Variants in CD9 observed in about 807,000 individuals in gnomAD.
CD9 encodes the protein CD9 molecule, also known as CD9 antigen.
A neutral mutation model predicts 31.4 loss-of-function variants in CD9; 10 were observed. That is an observed-to-expected ratio of 0.32 (90% CI 0.20 to 0.54). CD9 has a LOEUF of 0.54. CD9 is among the 20% of genes least tolerant of loss of function. The pLI, the probability that CD9 is intolerant of heterozygous loss-of-function variation, is 0.94. For missense variants in CD9, 259 were observed against 300.1 expected, an observed-to-expected ratio of 0.86 and a Z score of 1.01; for synonymous variants, 113 against 114.1, an observed-to-expected ratio of 0.99 and a Z score of 0.06.
intron 1 of CD9, chr12:6,225,155 T>G (rs1351212349): frequency 2.4e-6 from 1 of 419,054 alleles, no homozygotes. Flanking sequence ...GTTACTCGTT[T>G]TCACTGCTGT....
intron 2 of CD9, chr12:6,225,831 T>C (rs1212615830): frequency 2.7e-6 from 1 of 366,920 alleles, no homozygotes; most frequent in Non-Finnish European, 5.0e-6. Context: ...TTTACGAACC[T>C]CTGTTCTCAT....
Position 6,237,932 on chromosome 12 carries a change from C to T in CD9, c.*104C>T, listed in dbSNP as rs538690169. ...TGTTGTTTGTTGTTTGTTTTTTTGC[C>T]ACTAATTTTAGTATTCATTCTGCAT... is the stretch of plus-strand genomic sequence containing the variant. On this transcript the variant is annotated 3_prime_UTR_variant, in exon 8 of 8. Coordinates refer to ENST00000009180, the MANE Select transcript of CD9 (RefSeq NM_001769.4). 3.6e-5 allele frequency: 31 copies of T among 868,010 alleles called. No individual in the cohort carries two copies. Among genetic ancestry groups the T allele is most frequent in the Admixed American group, 8.6e-5 (4 of 46,394 alleles). 53.8% of individuals were successfully genotyped at this position (868,010 alleles called of 1,614,324 possible).
intron 1 of CD9, among the ~76,000 whole-genome samples, chr12:6,222,645 T>TA (rs1946306530): frequency 6.6e-6 from 1 of 152,244 alleles, no homozygotes; most frequent in South Asian, 2.1e-4. Flanking sequence ...GCATCCTTCT[T>TA]ACCACCTGTG....
At chr12:6,233,743 G>A (rs920369225) in intron 4 of CD9, among the ~76,000 whole-genome samples, 4 of 152,072 alleles carry the variant, frequency 2.6e-5, no homozygotes, top group Non-Finnish European at 1.5e-5. Context: ...CATTGGGCCT[G>A]TGCGTGTGTC....
intron 1 of CD9, among the ~76,000 whole-genome samples, chr12:6,208,227 A>T (rs1946154060): frequency 6.6e-6 from 1 of 150,498 alleles, no homozygotes; most frequent in African/African-American, 2.4e-5. Flanking sequence ...TCCATCTCAA[A>T]AAAAAAAAAA....
chr12:6,218,426 C>T (rs1172852545), intron 1 of CD9, among the ~76,000 whole-genome samples: 2 of 152,298 alleles, frequency 1.3e-5, no homozygotes, highest in South Asian at 2.1e-4. Flanking sequence ...ACTGAAACCA[C>T]GTTCAACCCA....
rs1946186233 is a variant in CD9, at chr12:6,210,833, A to G, written c.66+10268A>G. Among the ~76,000 whole-genome samples, 3 of 142,070 alleles carry G rather than the reference A, an allele frequency of 2.1e-5. No individual in the cohort carries two copies. The South Asian group carries it at 6.9e-4, about 33-fold the overall frequency. The allele number at this position is 142,070 out of a possible 152,430, so 93.2% of individuals were successfully genotyped here. A position where few individuals can be genotyped will look rare whatever the true frequency, so the allele number is the denominator to read the frequency against. ...ACTTGCCCTGTGATCTCAGTTGAGC[A>G]ACTTTTTTTTTTTTTTTTTTTTGAG... On this transcript the variant is annotated intron_variant, in intron 1 of 7. Coordinates refer to ENST00000009180, the MANE Select transcript of CD9 (RefSeq NM_001769.4).
intron 1 of CD9, among the ~76,000 whole-genome samples, chr12:6,207,843 G>A (rs961527815): frequency 2.0e-5 from 3 of 152,202 alleles, no homozygotes; most frequent in East Asian, 1.9e-4. Flanking sequence ...TCAGAAACCC[G>A]GGTCTTAAGA....
At chr12:6,211,214 T>C (rs1287882936) in intron 1 of CD9, among the ~76,000 whole-genome samples, 5 of 152,204 alleles carry the variant, frequency 3.3e-5, no homozygotes, top group Admixed American at 1.3e-4. Flanking sequence ...GGGCCTATTC[T>C]GAAAACTAAA....
intron 1 of CD9, among the ~76,000 whole-genome samples, chr12:6,218,593 G>C (rs1004192717): frequency 6.6e-6 from 1 of 152,232 alleles, no homozygotes; most frequent in African/African-American, 2.4e-5. Flanking sequence ...GCAGCCAGGT[G>C]CCCCTAAGCT....
intron 1 of CD9, among the ~76,000 whole-genome samples, chr12:6,202,231 C>T (rs576855076): frequency 2.2e-4 from 34 of 152,274 alleles, no homozygotes; most frequent in Non-Finnish European, 4.6e-4. Flanking sequence ...CCAGTGAGGA[C>T]GGCATATAGG....
intron 1 of CD9, among the ~76,000 whole-genome samples, chr12:6,210,638 C>G (rs1331039862): frequency 1.3e-5 from 2 of 152,070 alleles, no homozygotes; most frequent in East Asian, 1.9e-4. Context: ...TCGAAAACAC[C>G]ACTTTGAAAT....
At chr12:6,202,427 G>A (rs1283896796) in intron 1 of CD9, among the ~76,000 whole-genome samples, 1 of 152,158 alleles carries the variant, frequency 6.6e-6, no homozygotes, top group Non-Finnish European at 1.5e-5. Context: ...TTGAACTTTG[G>A]GAGTTTTCCT....
intron 1 of CD9, among the ~76,000 whole-genome samples, chr12:6,204,762 G>T (rs1946112347): frequency 1.3e-5 from 2 of 152,216 alleles, no homozygotes; most frequent in Admixed American, 6.5e-5. Context: ...TTATTCACTA[G>T]TGGAGAGTAG....
intron 1 of CD9, among the ~76,000 whole-genome samples, chr12:6,207,847 C>T (rs1223728794): frequency 2.6e-5 from 4 of 152,240 alleles, no homozygotes. Flanking sequence ...AAACCCGGGT[C>T]TTAAGAGCCC....
chr12:6,230,035 G>A (rs1946423333), intron 2 of CD9, among the ~76,000 whole-genome samples: 3 of 152,124 alleles, frequency 2.0e-5, no homozygotes, highest in African/African-American at 7.2e-5. Context: ...GGGTGTAAGC[G>A]ATGAGTAGCT....
At chr12:6,233,018 TCTC>T (rs1946470123) in intron 3 of CD9, 2 of 702,264 alleles carry the variant, frequency 2.8e-6, no homozygotes, top group Non-Finnish European at 2.6e-6. Flanking sequence ...ACCTTTGCCT[TCTC>T]CTTCTTGTTT....
rs375729609 is a variant in CD9, at chr12:6,238,032, G to A, written c.*204G>A. ...TCAATATTGACATTTGTAGTTGAGC[G>A]GGGGGTTTGGTTTGCTTTGGTTTAT... On this transcript the variant is annotated 3_prime_UTR_variant, in exon 8 of 8. Coordinates refer to ENST00000009180, the MANE Select transcript of CD9 (RefSeq NM_001769.4). 9.5e-5 allele frequency: 45 copies of A among 471,348 alleles called. No homozygotes were observed. The highest frequency in any genetic ancestry group is 1.5e-4 in the Non-Finnish European group (38 of 260,608). The allele number at this position is 471,348 out of a possible 1,614,324, so 29.2% of individuals were successfully genotyped here.
At position 6,232,385 on chromosome 12, in the gene CD9, TG is replaced by T. The variant is rs1946457152; in HGVS notation, c.176-246del. 1.7e-6 allele frequency: 1 copy of T among 573,718 alleles called. No homozygotes were observed. Among genetic ancestry groups the T allele is most frequent in the African/African-American group, 1.9e-5 (1 of 53,174 alleles). The allele number at this position is 573,718 out of a possible 1,614,324, so 35.5% of individuals were successfully genotyped here. A position where few individuals can be genotyped will look rare whatever the true frequency, so the allele number is the denominator to read the frequency against. The stretch of plus-strand genomic sequence containing the variant: ...GCTAATGGGCACCTTCCAGAAGGGC[TG>T]AGGGTAAGGTAGGAGCGTGAGCTTG... On this transcript the variant is annotated intron_variant, in intron 2 of 7. Coordinates refer to ENST00000009180, the MANE Select transcript of CD9 (RefSeq NM_001769.4). The surrounding 1 kb of genome is among the most constrained non-coding windows in gnomAD (Gnocchi z 4.8).
Sources: gnomAD v4.1 joint callset for allele counts (sites outside exome capture counted in the v4.1 genomes callset) on GRCh38, gnomAD v4.1.1 for gene constraint, Gnocchi (gnomAD v3.1) non-coding constraint, MANE v1.5 for transcripts, NCBI Gene and HGNC (gene_info 2026-07-23, HGNC 2026-07-21) for gene names.